Variants in OPCML observed in about 807,000 individuals in gnomAD.
The protein encoded by OPCML is opioid-binding protein/cell adhesion molecule.
In OPCML, 13 loss-of-function variants were observed where a neutral mutation model predicts 37.8. The ratio of observed to expected loss-of-function variants is 0.34; its 90% CI spans 0.22 to 0.55. OPCML has a LOEUF of 0.55. OPCML is among the 20% of genes least tolerant of loss of function. OPCML has a pLI of 0.91. For missense variants in OPCML, 341 were observed against 435.6 expected (o/e 0.78, Z 1.93); for synonymous variants, 176 against 168.8 (o/e 1.04, Z -0.33).
chr11:132,675,171 GTGTGTGTGTGTATA>G (rs1942645046), intron 2 of OPCML, among the ~76,000 whole-genome samples: 2 of 103,910 alleles, frequency 1.9e-5, no homozygotes, highest in African/African-American at 3.7e-5. Context: ...GTGTGTGTGT[GTGTGTGTGTGTATA>G]TATATATATA....
At chr11:133,488,459 T>C (rs1391974308) in intron 1 of OPCML, among the ~76,000 whole-genome samples, 1 of 152,062 alleles carries the variant, frequency 6.6e-6, no homozygotes, top group Non-Finnish European at 1.5e-5. Flanking sequence ...TATACACCAA[T>C]GATGATCTAA....
chr11:132,987,731 T>C lies in OPCML; in HGVS notation c.62-44721A>G, dbSNP rs1008490795. Among the ~76,000 whole-genome samples the C allele has an allele frequency of 3.9e-5, 6 of 152,002 alleles. No individual in the cohort carries two copies. The South Asian group carries it at 8.3e-4, about 21-fold the overall frequency. ...TGAATGCGTGGAGAAAAAGGAAGCA[T>C]AGCGTCTTCCCTATGCTCCACCAAC... On this transcript the variant is annotated intron_variant, in intron 1 of 7. Transcript: ENST00000524381.
intron 1 of OPCML, among the ~76,000 whole-genome samples, chr11:133,414,666 C>CT (rs1462704481): frequency 2.0e-5 from 3 of 152,134 alleles, no homozygotes; most frequent in Admixed American, 2.0e-4. Context: ...AGTTCTCAGG[C>CT]TTTGACAACT....
chr11:132,428,793 T>C (rs2095986474), intron 7 of OPCML, among the ~76,000 whole-genome samples: 1 of 152,198 alleles, frequency 6.6e-6, no homozygotes. Context: ...CAATGAAAAA[T>C]GATAACAATA....
intron 2 of OPCML, among the ~76,000 whole-genome samples, chr11:132,740,331 C>A (rs1945398144): frequency 6.6e-6 from 1 of 152,204 alleles, no homozygotes; most frequent in Non-Finnish European, 1.5e-5. Flanking sequence ...TTCACTGTTA[C>A]TTTCTCAGAG....
chr11:133,051,814 C>T (rs1023421012), intron 1 of OPCML, among the ~76,000 whole-genome samples: 2 of 152,190 alleles, frequency 1.3e-5, no homozygotes, highest in Non-Finnish European at 2.9e-5. Flanking sequence ...TGTGGTGTTC[C>T]TCTCTCCACC....
At position 132,442,853 on chromosome 11, in the gene OPCML, C is replaced by T. The variant is rs190243463; in HGVS notation, c.506-5494G>A. On this transcript the variant is annotated intron_variant, in intron 4 of 7. Transcript: ENST00000524381. ...TCCCCAGCCATGTGGAACTGTGAGT[C>T]GATTAAACCTCTTTGCTTTATAAAT... 4.6e-3 allele frequency among the ~76,000 whole-genome samples: 700 copies of T among 152,208 alleles called. 3 individuals are homozygous for T. The highest frequency in any genetic ancestry group is 0.016 in the African/African-American group (656 of 41,524).
intron 1 of OPCML, among the ~76,000 whole-genome samples, chr11:133,194,433 T>C (rs923804440): frequency 6.6e-6 from 1 of 152,012 alleles, no homozygotes; most frequent in Non-Finnish European, 1.5e-5. Flanking sequence ...TGGTCTCGAA[T>C]TCCTGACCCC....
intron 1 of OPCML, among the ~76,000 whole-genome samples, chr11:132,989,644 TGTG>T (rs1946740348): frequency 9.2e-5 from 13 of 140,788 alleles, no homozygotes; most frequent in Admixed American, 9.1e-4. Context: ...TGTGTGTGTG[TGTG>T]TTCAGAGGTG....
At chr11:132,447,589 C>A (rs991272489) in intron 4 of OPCML, among the ~76,000 whole-genome samples, 1 of 152,070 alleles carries the variant, frequency 6.6e-6, no homozygotes, top group Non-Finnish European at 1.5e-5. Context: ...GAATTACAGG[C>A]GTGAGCCACC....
intron 1 of OPCML, among the ~76,000 whole-genome samples, chr11:133,049,063 C>T (rs1948078587): frequency 6.6e-6 from 1 of 152,188 alleles, no homozygotes; most frequent in South Asian, 2.1e-4. Context: ...ACTCTTAGCA[C>T]TATGGATACA....
chr11:133,000,578 T>C (rs1355675048), intron 1 of OPCML, among the ~76,000 whole-genome samples: 1 of 152,190 alleles, frequency 6.6e-6, no homozygotes, highest in Non-Finnish European at 1.5e-5. Context: ...GCTGGGTTTA[T>C]CCTTTCTCAC....
In OPCML at chr11:133,218,770, T is replaced by C. The variant is rs144740643; in HGVS notation, c.62-275760A>G. Among the ~76,000 whole-genome samples, 156 of 152,238 alleles carry C rather than the reference T, an allele frequency of 1.0e-3. 1 individual carries two copies. The highest frequency in any genetic ancestry group is 3.5e-3 in the African/African-American group (144 of 41,568). On this transcript the variant is annotated intron_variant, in intron 1 of 7. Coordinates refer to ENST00000524381, the MANE Select transcript of OPCML (RefSeq NM_001012393.5). ...TGCTAAGCTCTCTGGATGGATTTGA[T>C]AGAGTGAGAACCCTGCAAAGAGGTC...
chr11:132,653,701 G>A (rs112992162), intron 3 of OPCML, among the ~76,000 whole-genome samples: 8,973 of 152,236 alleles, frequency 0.059, 442 homozygotes, highest in African/African-American at 0.14. Context: ...GGGCAGGCAG[G>A]AAAGTTGGTG....
At chr11:133,411,214 G>A (rs75397354) in intron 1 of OPCML, among the ~76,000 whole-genome samples, 10,669 of 152,184 alleles carry the variant, frequency 0.07, 1,073 homozygotes, top group African/African-American at 0.22. Flanking sequence ...TGGGTGCCTC[G>A]GTGGTACCCA....
intron 2 of OPCML, among the ~76,000 whole-genome samples, chr11:132,788,087 G>T (rs1009873512): frequency 2.0e-5 from 3 of 152,092 alleles, no homozygotes; most frequent in Admixed American, 6.5e-5. Flanking sequence ...CACCATGTTG[G>T]CCAGGATGAT....
At chr11:133,221,802 T>A (rs1009851478) in intron 1 of OPCML, among the ~76,000 whole-genome samples, 1 of 152,198 alleles carries the variant, frequency 6.6e-6, no homozygotes, top group African/African-American at 2.4e-5. Context: ...GGTCTCATAA[T>A]TACACAACTC....
intron 2 of OPCML, among the ~76,000 whole-genome samples, chr11:132,714,648 AC>A (rs1266659483): frequency 1.3e-5 from 2 of 152,204 alleles, no homozygotes; most frequent in African/African-American, 4.8e-5. Context: ...CAGAGTGGAA[AC>A]AGGCCGAGAG....
intron 1 of OPCML, among the ~76,000 whole-genome samples, chr11:132,977,572 A>G (rs1160701898): frequency 6.6e-6 from 1 of 152,226 alleles, no homozygotes; most frequent in African/African-American, 2.4e-5. Flanking sequence ...ATATTCTTAT[A>G]AATACACTTT....
Sources: allele counts gnomAD v4.1 joint callset (sites outside exome capture counted in the v4.1 genomes callset), GRCh38; gene constraint gnomAD v4.1.1; transcripts MANE v1.5; gene names NCBI Gene and HGNC (gene_info 2026-07-23, HGNC 2026-07-21).